The following CUX1 variants were observed in gnomAD, a reference collection of about 807,000 sequenced individuals.
The protein encoded by CUX1 is cut like homeobox 1.
CUX1 carries 31 observed loss-of-function variants against 158.8 expected under a neutral mutation model. That is an observed-to-expected ratio of 0.20 (90% CI 0.15 to 0.26). The LOEUF is 0.26. Ranked by LOEUF, CUX1 falls within the 10% of genes least tolerant of loss-of-function variation. The pLI, the probability that CUX1 is intolerant of heterozygous loss-of-function variation, is 1.00. For missense variants in CUX1, 1,589 were observed against 2,014.6 expected (o/e 0.79, Z 4.04); for synonymous variants, 879 against 862.1 (o/e 1.02, Z -0.34).
intron 2 of CUX1, among the ~76,000 whole-genome samples, chr7:101,954,646 A>C (rs981322007): frequency 6.6e-6 from 1 of 152,010 alleles, no homozygotes; most frequent in Non-Finnish European, 1.5e-5. Flanking sequence ...CCTTCTCTAC[A>C]GTGTGCTGGC....
chr7:101,861,724 T>TC (rs1797477975), intron 1 of CUX1, among the ~76,000 whole-genome samples: 1 of 152,012 alleles, frequency 6.6e-6, no homozygotes, highest in Non-Finnish European at 1.5e-5. Flanking sequence ...TAGCCATGTG[T>TC]CAGTCACTCA....
chr7:101,942,753 C>T (rs528177441), intron 2 of CUX1, among the ~76,000 whole-genome samples: 1 of 152,360 alleles, frequency 6.6e-6, no homozygotes, highest in Non-Finnish European at 1.5e-5. Context: ...AGGCGTGAGC[C>T]ACCGCAGGCC....
intron 1 of CUX1, among the ~76,000 whole-genome samples, chr7:101,826,675 T>G (rs1793334819): frequency 6.6e-6 from 1 of 152,150 alleles, no homozygotes; most frequent in South Asian, 2.1e-4. Context: ...AGGAAGGGCT[T>G]GGAAGGCGGG....
At chr7:102,171,452 T>G (rs1030662055) in intron 10 of CUX1, among the ~76,000 whole-genome samples, 2 of 151,610 alleles carry the variant, frequency 1.3e-5, no homozygotes, top group East Asian at 3.9e-4. Flanking sequence ...TTTTTTTTTT[T>G]TCTTTTTTTT....
intron 9 of CUX1, among the ~76,000 whole-genome samples, chr7:102,169,394 G>A (rs1554509813): frequency 2.0e-5 from 3 of 152,214 alleles, no homozygotes; most frequent in African/African-American, 7.2e-5. Context: ...CTGATTGAAT[G>A]TTTCTAGCAG....
chr7:101,869,325 T>C lies in CUX1; in HGVS notation c.31-46790T>C, dbSNP rs182493600. 4.7e-4 allele frequency among the ~76,000 whole-genome samples: 71 copies of C among 152,322 alleles called. 1 individual carries two copies. The highest frequency in any genetic ancestry group is 1.7e-3 in the African/African-American group (69 of 41,562). ...AGTAAGAGACAGAGTGGGTCTGTCC[T>C]GTCTAGGCTGAGTTTTCATTGCCCA... On this transcript the variant is annotated intron_variant, in intron 1 of 23. Coordinates refer to ENST00000292535, the MANE Select transcript of CUX1 (RefSeq NM_181552.4). The surrounding 1 kb of genome is among the most constrained non-coding windows in gnomAD (Gnocchi z 4.5).
intron 3 of CUX1, among the ~76,000 whole-genome samples, chr7:102,046,936 G>A (rs978609983): frequency 2.0e-5 from 3 of 152,102 alleles, no homozygotes; most frequent in Admixed American, 2.0e-4. Flanking sequence ...GGCCACACTG[G>A]GAGAGTCGCC....
intron 2 of CUX1, among the ~76,000 whole-genome samples, chr7:102,021,473 A>C (rs982986991): frequency 2.0e-5 from 3 of 151,930 alleles, no homozygotes; most frequent in Non-Finnish European, 2.9e-5. Context: ...ATACTCACTA[A>C]TTTTTGTATT....
rs1173079668 is a variant in CUX1, at chr7:102,255,991, C to G, written c.*6949C>G. 1.0e-6 allele frequency: 1 copy of G among 985,326 alleles called. No homozygotes were observed. The highest frequency in any genetic ancestry group is 6.1e-5 in the Admixed American group (1 of 16,268). The allele number at this position is 985,326 out of a possible 1,614,324, so 61.0% of individuals were successfully genotyped here. A position where few individuals can be genotyped will look rare whatever the true frequency, so the allele number is the denominator to read the frequency against. On this transcript the variant is annotated 3_prime_UTR_variant, in exon 24 of 24. Transcript: ENST00000292535. ...AAGTAAGCTTTAGACCAGGACGATT[C>G]AGGTTATGAATGAGTTTGTTCACTG...
chr7:101,939,018 G>A (rs1807297784), intron 2 of CUX1, among the ~76,000 whole-genome samples: 1 of 133,130 alleles, frequency 7.5e-6, no homozygotes, highest in East Asian at 2.3e-4. Context: ...TCCAGCCTGG[G>A]CAACAAGACC....
intron 14 of CUX1, 48 bp from the exon 15 acceptor site, chr7:102,196,586 C>T (rs1554518382): frequency 2.7e-5 from 37 of 1,349,634 alleles, no homozygotes; most frequent in East Asian, 9.9e-5. Flanking sequence ...GTTTTTTTTT[C>T]CCCCTTTGGA....
chr7:102,271,146 A>AT (rs1425722664), intron 14 of CUX1, among the ~76,000 whole-genome samples: 7 of 152,110 alleles, frequency 4.6e-5, no homozygotes, highest in Admixed American at 2.0e-4. Context: ...GCCAGGCAAA[A>AT]GTCACCTCTG....
chr7:101,910,749 A>G (rs1803341680), intron 1 of CUX1, among the ~76,000 whole-genome samples: 1 of 151,954 alleles, frequency 6.6e-6, no homozygotes, highest in South Asian at 2.1e-4. Flanking sequence ...TGTCTCAAAA[A>G]AAAAAAAAAA....
At chr7:102,141,933 G>A (rs544661587) in intron 8 of CUX1, among the ~76,000 whole-genome samples, 1 of 151,710 alleles carries the variant, frequency 6.6e-6, no homozygotes, top group African/African-American at 2.4e-5. Flanking sequence ...GAGCCACCAT[G>A]CCTGGTCCCA....
chr7:102,186,013 C>T (rs1793584670), intron 11 of CUX1, among the ~76,000 whole-genome samples: 2 of 152,198 alleles, frequency 1.3e-5, no homozygotes, highest in Admixed American at 6.5e-5. Context: ...CGTGACCTGA[C>T]AGGAGGAGTG....
intron 2 of CUX1, among the ~76,000 whole-genome samples, chr7:102,015,660 A>G (rs1415962750): frequency 6.6e-6 from 1 of 152,186 alleles, no homozygotes; most frequent in Non-Finnish European, 1.5e-5. Flanking sequence ...TGTGAGATTC[A>G]TTGTTACCAT....
At chr7:102,216,765 TC>T (rs1231821696) in intron 20 of CUX1, among the ~76,000 whole-genome samples, 1 of 72,480 alleles carries the variant, frequency 1.4e-5, no homozygotes, top group East Asian at 3.9e-4. Flanking sequence ...CACACACTCT[TC>T]CACACACACT....
intron 10 of CUX1, among the ~76,000 whole-genome samples, chr7:102,174,681 C>A (rs1235644236): frequency 1.3e-5 from 2 of 152,212 alleles, no homozygotes; most frequent in South Asian, 2.1e-4. Flanking sequence ...CGCAGTGGCT[C>A]ACACCCATAA....
At chr7:101,947,931 G>A (rs994630283) in intron 2 of CUX1, among the ~76,000 whole-genome samples, 2 of 152,122 alleles carry the variant, frequency 1.3e-5, no homozygotes, top group African/African-American at 4.8e-5. Flanking sequence ...TATTGCTTAC[G>A]GAATTAATTG....
Sources: allele counts gnomAD v4.1 joint callset (sites outside exome capture counted in the v4.1 genomes callset), GRCh38; gene constraint gnomAD v4.1.1; non-coding constraint Gnocchi (gnomAD v3.1); transcripts MANE v1.5; gene names NCBI Gene and HGNC (gene_info 2026-07-23, HGNC 2026-07-21).